Variants in B3GALT1 observed in about 807,000 individuals in gnomAD.
B3GALT1 encodes beta-1,3-galactosyltransferase 1.
In B3GALT1, 10 loss-of-function variants were observed where a neutral mutation model predicts 23.2. That is an observed-to-expected ratio of 0.43 (90% CI 0.27 to 0.73). The LOEUF (loss-of-function observed/expected upper bound fraction) is 0.73, where lower values mean the gene tolerates loss of function less well. B3GALT1 is among the 30% of genes least tolerant of loss of function. The probability of loss-of-function intolerance (pLI) is 0.21; values close to 1 mark genes in which losing one functional copy is unlikely to be tolerated. For missense variants in B3GALT1, 299 were observed against 405.4 expected, an observed-to-expected ratio of 0.74 and a Z score of 2.25; for synonymous variants, 156 against 141.5, an observed-to-expected ratio of 1.10 and a Z score of -0.73.
At chr2:167,815,372 TA>T (rs1688975187) in intron 3 of B3GALT1, 2 of 152,238 alleles carry the variant, frequency 1.3e-5, no homozygotes, top group Admixed American at 1.3e-4. Context: ...TCATAGAATT[TA>T]CCTTGATAAG....
intron 4 of B3GALT1, among the ~76,000 whole-genome samples, chr2:167,857,400 G>A (rs1283678244): frequency 6.6e-6 from 1 of 152,122 alleles, no homozygotes; most frequent in Non-Finnish European, 1.5e-5. Context: ...GTAGACTGTG[G>A]CAAAGAGTTC....
chr2:167,851,606 C>T (rs1055012934), intron 4 of B3GALT1, among the ~76,000 whole-genome samples: 1 of 152,196 alleles, frequency 6.6e-6, no homozygotes, highest in African/African-American at 2.4e-5. Context: ...CACCTCACTA[C>T]CCAAAATAAT....
intron 1 of B3GALT1, among the ~76,000 whole-genome samples, chr2:167,297,323 G>A (rs999756933): frequency 6.6e-6 from 1 of 151,414 alleles, no homozygotes; most frequent in African/African-American, 2.4e-5. Context: ...TCAAAAGCAT[G>A]TTTGTAATGA....
chr2:167,587,930 C>T (rs1392635108), intron 2 of B3GALT1, among the ~76,000 whole-genome samples: 1 of 152,158 alleles, frequency 6.6e-6, no homozygotes, highest in Non-Finnish European at 1.5e-5. Flanking sequence ...ATTCAGGTTC[C>T]GTAGCTTGTG....
chr2:167,750,520 G>A (rs1687718531), intron 3 of B3GALT1, among the ~76,000 whole-genome samples: 1 of 152,066 alleles, frequency 6.6e-6, no homozygotes, highest in Admixed American at 6.6e-5. Context: ...AATGTCTTGA[G>A]TCAGATATCA....
intron 2 of B3GALT1, among the ~76,000 whole-genome samples, chr2:167,605,268 A>G (rs955773541): frequency 6.6e-6 from 1 of 152,242 alleles, no homozygotes; most frequent in South Asian, 2.1e-4. Flanking sequence ...GCTGTGTAAC[A>G]AACTATCCCA....
At chr2:167,496,241 G>A (rs1385348794) in intron 2 of B3GALT1, among the ~76,000 whole-genome samples, 1 of 152,172 alleles carries the variant, frequency 6.6e-6, no homozygotes, top group East Asian at 1.9e-4. Flanking sequence ...ACTGGGGAGT[G>A]GGTGCCCATG....
At chr2:167,559,956 G>T (rs985333198) in intron 2 of B3GALT1, among the ~76,000 whole-genome samples, 3 of 152,066 alleles carry the variant, frequency 2.0e-5, no homozygotes, top group African/African-American at 2.4e-5. Flanking sequence ...TACAGAGAAT[G>T]CCACAAAGAT....
intron 1 of B3GALT1, among the ~76,000 whole-genome samples, chr2:167,471,864 A>G (rs1008266590): frequency 2.2e-4 from 34 of 152,138 alleles, no homozygotes; most frequent in Non-Finnish European, 3.2e-4. Flanking sequence ...TAAGACAATC[A>G]GTGGATAATA....
At chr2:167,480,970 G>A (rs1699557199) in intron 1 of B3GALT1, among the ~76,000 whole-genome samples, 1 of 152,076 alleles carries the variant, frequency 6.6e-6, no homozygotes, top group Non-Finnish European at 1.5e-5. Flanking sequence ...CCTTCACTGT[G>A]GCCTTGAACC....
intron 2 of B3GALT1, among the ~76,000 whole-genome samples, chr2:167,568,003 A>C (rs929880348): frequency 1.3e-5 from 2 of 152,028 alleles, no homozygotes; most frequent in Admixed American, 1.3e-4. Flanking sequence ...TTTTCAGATC[A>C]ACTGATTTTA....
intron 1 of B3GALT1, among the ~76,000 whole-genome samples, chr2:167,396,917 A>G (rs1346239034): frequency 6.6e-6 from 1 of 152,108 alleles, no homozygotes; most frequent in Non-Finnish European, 1.5e-5. Context: ...GCAATGAACA[A>G]AGTTCTCAAC....
At chr2:167,720,827 A>T (rs1038359796) in intron 3 of B3GALT1, among the ~76,000 whole-genome samples, 1 of 152,210 alleles carries the variant, frequency 6.6e-6, no homozygotes, top group Non-Finnish European at 1.5e-5. Context: ...AGGATATTAC[A>T]TGGGGCTTTC....
intron 2 of B3GALT1, among the ~76,000 whole-genome samples, chr2:167,614,776 T>C (rs965012664): frequency 1.3e-5 from 2 of 152,006 alleles, no homozygotes; most frequent in African/African-American, 4.8e-5. Context: ...CAAAATGTGA[T>C]AAACATATTT....
chr2:167,858,877 AAAT>A (rs1255783012), intron 4 of B3GALT1, among the ~76,000 whole-genome samples: 1 of 152,180 alleles, frequency 6.6e-6, no homozygotes, highest in African/African-American at 2.4e-5. Context: ...ATATGATCTA[AAAT>A]AATACTACCT....
chr2:167,814,584 A>G (rs1344402886), intron 3 of B3GALT1, among the ~76,000 whole-genome samples: 4 of 152,020 alleles, frequency 2.6e-5, no homozygotes, highest in Non-Finnish European at 5.9e-5. Context: ...ACACAGTGAA[A>G]TCCCGTCTCT....
intron 2 of B3GALT1, among the ~76,000 whole-genome samples, chr2:167,576,713 G>A (rs900580725): frequency 1.3e-5 from 2 of 151,320 alleles, no homozygotes; most frequent in Admixed American, 6.6e-5. Flanking sequence ...CATTTGTCCT[G>A]GGTTTATTTC....
chr2:167,343,372 T>G (rs1022957519), intron 1 of B3GALT1, among the ~76,000 whole-genome samples: 5 of 152,216 alleles, frequency 3.3e-5, no homozygotes, highest in African/African-American at 1.2e-4. Flanking sequence ...ACTATGAATA[T>G]ATTTTTCTGA....
intron 3 of B3GALT1, among the ~76,000 whole-genome samples, chr2:167,681,949 C>A (rs7591489): frequency 0.026 from 3,972 of 152,290 alleles, 172 homozygotes; most frequent in African/African-American, 0.091. Flanking sequence ...GTCATTAAGG[C>A]AAATCATATT....
Sources: allele counts gnomAD v4.1 joint callset (sites outside exome capture counted in the v4.1 genomes callset), GRCh38; gene constraint gnomAD v4.1.1; transcripts MANE v1.5; gene names NCBI Gene and HGNC (gene_info 2026-07-23, HGNC 2026-07-21).